The following FRMD5 variants were observed in gnomAD, a reference collection of about 807,000 sequenced individuals.
The protein encoded by FRMD5 is FERM domain-containing protein 5.
Under a neutral mutation model 69.0 loss-of-function variants are expected in FRMD5, and 20 were observed. The ratio of observed to expected loss-of-function variants is 0.29; its 90% CI spans 0.20 to 0.42. The LOEUF is 0.42. FRMD5 is among the 10% of genes least tolerant of loss of function. The probability of loss-of-function intolerance (pLI) is 1.00; values close to 1 mark genes in which losing one functional copy is unlikely to be tolerated. For synonymous variants in FRMD5, 271 were observed against 260.1 expected (o/e 1.04, Z -0.40); for missense variants, 595 against 708.6 (o/e 0.84, Z 1.82).
chr15:44,003,308 C>T (rs984711912), intron 1 of FRMD5, among the ~76,000 whole-genome samples: 2 of 152,188 alleles, frequency 1.3e-5, no homozygotes, highest in African/African-American at 4.8e-5. Context: ...GTCTCCCTGC[C>T]TCTACCCTTG....
At chr15:44,131,451 T>C (rs1422774495) in intron 1 of FRMD5, among the ~76,000 whole-genome samples, 1 of 152,012 alleles carries the variant, frequency 6.6e-6, no homozygotes, top group Non-Finnish European at 1.5e-5. Context: ...TCTGGGTGTA[T>C]ACTCAAAACA....
chr15:44,059,408 A>G (rs1893000584), intron 1 of FRMD5, among the ~76,000 whole-genome samples: 1 of 152,234 alleles, frequency 6.6e-6, no homozygotes, highest in African/African-American at 2.4e-5. Context: ...TCTGGGCCTT[A>G]AACATCTGAG....
chr15:44,066,970 G>A (rs1052071472), intron 1 of FRMD5, among the ~76,000 whole-genome samples: 3 of 152,076 alleles, frequency 2.0e-5, no homozygotes, highest in Admixed American at 2.0e-4. Context: ...GATTAGTAGA[G>A]AACAAAATAT....
intron 1 of FRMD5, among the ~76,000 whole-genome samples, chr15:44,044,829 T>A (rs1479196297): frequency 6.6e-6 from 1 of 152,128 alleles, no homozygotes; most frequent in African/African-American, 2.4e-5. Context: ...GGTTGATGGG[T>A]GCAACAAACC....
chr15:43,965,655 C>T (rs1417200518), intron 1 of FRMD5, among the ~76,000 whole-genome samples: 1 of 148,488 alleles, frequency 6.7e-6, no homozygotes, highest in Non-Finnish European at 1.5e-5. Flanking sequence ...AATCTCCGCT[C>T]ACCACAACCT....
intron 1 of FRMD5, among the ~76,000 whole-genome samples, chr15:44,053,745 A>T (rs1892760211): frequency 6.6e-6 from 1 of 152,228 alleles, no homozygotes; most frequent in African/African-American, 2.4e-5. Flanking sequence ...TCATTCTGAG[A>T]TATCCAAATG....
At chr15:44,059,412 A>G (rs1011526473) in intron 1 of FRMD5, among the ~76,000 whole-genome samples, 11 of 152,234 alleles carry the variant, frequency 7.2e-5, no homozygotes, top group African/African-American at 2.7e-4. Context: ...GGCCTTAAAC[A>G]TCTGAGAATA....
At chr15:44,049,996 T>C (rs190100719) in intron 1 of FRMD5, among the ~76,000 whole-genome samples, 66 of 152,348 alleles carry the variant, frequency 4.3e-4, no homozygotes, top group African/African-American at 1.5e-3. Flanking sequence ...GCAGGATCTA[T>C]GTACAAGTAA....
At chr15:44,048,847 T>C (rs1160866373) in intron 1 of FRMD5, among the ~76,000 whole-genome samples, 1 of 152,146 alleles carries the variant, frequency 6.6e-6, no homozygotes, top group Admixed American at 6.5e-5. Flanking sequence ...GCTGGAATTA[T>C]AGGCGTGAGC....
At position 44,018,234 on chromosome 15, in the gene FRMD5, G is replaced by A. The variant is rs550899472; in HGVS notation, c.103-93925C>T. Among the ~76,000 whole-genome samples, 10 of 152,246 alleles carry A rather than the reference G, an allele frequency of 6.6e-5. No individual in the cohort carries two copies. In the South Asian group the frequency reaches 1.2e-3, roughly 19 times the overall value. The stretch of plus-strand genomic sequence containing the variant: ...ATAAACTTCAAAAAGCACTTTTGAC[G>A]AAAGTTAATATAAATGGAATACATA... On this transcript the variant is annotated intron_variant, in intron 1 of 13. Coordinates refer to ENST00000417257, the MANE Select transcript of FRMD5 (RefSeq NM_032892.5).
At chr15:44,178,219 G>A (rs980592869) in intron 1 of FRMD5, among the ~76,000 whole-genome samples, 1 of 152,134 alleles carries the variant, frequency 6.6e-6, no homozygotes. Flanking sequence ...AGCTACTTGA[G>A]AGGCTCACAC....
intron 1 of FRMD5, among the ~76,000 whole-genome samples, chr15:44,006,523 C>T (rs962346498): frequency 6.6e-6 from 1 of 152,080 alleles, no homozygotes; most frequent in Non-Finnish European, 1.5e-5. Context: ...ATAGTGATTC[C>T]TCTGATGGAT....
chr15:43,977,591 A>C (rs975215811), intron 1 of FRMD5, among the ~76,000 whole-genome samples: 2 of 152,196 alleles, frequency 1.3e-5, no homozygotes, highest in African/African-American at 4.8e-5. Context: ...TTCATCAAGC[A>C]GGGTAAAAAC....
At chr15:44,153,902 A>G (rs1245788802) in intron 1 of FRMD5, among the ~76,000 whole-genome samples, 1 of 152,156 alleles carries the variant, frequency 6.6e-6, no homozygotes, top group Non-Finnish European at 1.5e-5. Context: ...CAGGAGGTAG[A>G]GGTTGCAGTA....
At chr15:43,910,097 A>G (rs1002117210) in intron 4 of FRMD5, 118 bp from the exon 5 acceptor site, 2 of 553,696 alleles carry the variant, frequency 3.6e-6, no homozygotes, top group Non-Finnish European at 6.4e-6. Context: ...ATTAAAAAAA[A>G]ATCCTAAAAC....
Position 44,151,354 on chromosome 15 carries a change from G to C in FRMD5, c.102+43599C>G, listed in dbSNP as rs1359417394. On this transcript the variant is annotated intron_variant, in intron 1 of 13. Transcript: ENST00000417257. ...GGAGCTTGCAGTGAGCCAAGATCGCGCCACTGCACTCCAGCCTAAGTGACA... is the reference window on the plus strand; with the variant it reads ...GGAGCTTGCAGTGAGCCAAGATCGCCCCACTGCACTCCAGCCTAAGTGACA... Among the ~76,000 whole-genome samples the C allele has an allele frequency of 2.0e-5, 3 of 146,430 alleles. No individual in the cohort carries two copies. The South Asian group carries it at 6.4e-4, about 31-fold the overall frequency.
At chr15:44,082,126 T>C (rs1348663604) in intron 1 of FRMD5, among the ~76,000 whole-genome samples, 1 of 152,092 alleles carries the variant, frequency 6.6e-6, no homozygotes, top group East Asian at 1.9e-4. Flanking sequence ...GTTCAAAATT[T>C]CACACAAATT....
chr15:43,919,032 T>G (rs2140438715), intron 4 of FRMD5: 1 of 301,676 alleles, frequency 3.3e-6, no homozygotes, highest in African/African-American at 2.2e-5. Context: ...CTTCAGTATC[T>G]CCCAGCTTAT....
At chr15:44,008,274 AT>A (rs983368812) in intron 1 of FRMD5, among the ~76,000 whole-genome samples, 2 of 147,454 alleles carry the variant, frequency 1.4e-5, no homozygotes, top group African/African-American at 5.0e-5. Flanking sequence ...TTATTTTATT[AT>A]TTTTTTGAGA....
Sources: gnomAD v4.1 joint callset for allele counts (sites outside exome capture counted in the v4.1 genomes callset) on GRCh38, gnomAD v4.1.1 for gene constraint, MANE v1.5 for transcripts, NCBI Gene and HGNC (gene_info 2026-07-23, HGNC 2026-07-21) for gene names.